TRIM44: variants seen among roughly 807,000 people sequenced by gnomAD.
TRIM44 encodes tripartite motif-containing protein 44.
Under a neutral mutation model 37.4 loss-of-function variants are expected in TRIM44, and 13 were observed. That is an observed-to-expected ratio of 0.35 (90% CI 0.23 to 0.55). TRIM44 has a LOEUF of 0.55. Ranked by LOEUF, TRIM44 falls within the 20% of genes least tolerant of loss-of-function variation. The probability of loss-of-function intolerance (pLI) is 0.89; values close to 1 mark genes in which losing one functional copy is unlikely to be tolerated. For synonymous variants in TRIM44, 175 were observed against 157.2 expected (o/e 1.11, Z -0.85); for missense variants, 426 against 437.2 (o/e 0.97, Z 0.23).
chr11:35,780,983 A>G (rs1853057159), intron 4 of TRIM44, among the ~76,000 whole-genome samples: 1 of 152,186 alleles, frequency 6.6e-6, no homozygotes, highest in Admixed American at 6.5e-5. Context: ...CTAGACAAAA[A>G]AACTAATAAA....
chr11:35,676,555 T>G (rs932123412), intron 1 of TRIM44, among the ~76,000 whole-genome samples: 1 of 152,226 alleles, frequency 6.6e-6, no homozygotes, highest in Non-Finnish European at 1.5e-5. Context: ...GTCTTGCTGG[T>G]TGTCCTCTTT....
intron 2 of TRIM44, among the ~76,000 whole-genome samples, chr11:35,705,845 T>G (rs562951877): frequency 6.8e-6 from 1 of 147,702 alleles, no homozygotes; most frequent in Non-Finnish European, 1.5e-5. Flanking sequence ...ACATCACAAT[T>G]AAAAGAACTA....
chr11:35,723,597 T>C (rs553076669), intron 2 of TRIM44, among the ~76,000 whole-genome samples: 1 of 152,348 alleles, frequency 6.6e-6, no homozygotes, highest in South Asian at 2.1e-4. Context: ...GAAAACCCTA[T>C]GTAATTAAAG....
At chr11:35,686,435 C>T (rs1433692879) in intron 2 of TRIM44, among the ~76,000 whole-genome samples, 1 of 150,958 alleles carries the variant, frequency 6.6e-6, no homozygotes, top group Non-Finnish European at 1.5e-5. Flanking sequence ...GAGAGTCAGG[C>T]ACTTTGCTAG....
intron 4 of TRIM44, among the ~76,000 whole-genome samples, chr11:35,750,276 C>T (rs764924883): frequency 1.3e-5 from 2 of 152,160 alleles, no homozygotes; most frequent in Non-Finnish European, 2.9e-5. Context: ...GTCTCTCCTC[C>T]ACATTTGAGG....
rs565994471 is a variant in TRIM44 at position 35,711,612 on chromosome 11, C to A, written c.748-14312C>A. ...TACTAAAAATTAAAAAAAAATTAGCCAGGCATAGAGGCACATGCCTATTGT... is the reference window on the plus strand; with the variant it reads ...TACTAAAAATTAAAAAAAAATTAGCAAGGCATAGAGGCACATGCCTATTGT... On this transcript the variant is annotated intron_variant, in intron 2 of 4. Coordinates refer to ENST00000299413, the MANE Select transcript of TRIM44 (RefSeq NM_017583.6). Among the ~76,000 whole-genome samples the A allele has an allele frequency of 1.8e-3, 279 of 151,984 alleles. 2 individuals carry two copies. The highest frequency in any genetic ancestry group is 6.5e-3 in the African/African-American group (268 of 41,462).
intron 4 of TRIM44, among the ~76,000 whole-genome samples, chr11:35,757,740 T>C (rs1001937412): frequency 3.9e-5 from 6 of 152,172 alleles, no homozygotes; most frequent in African/African-American, 1.2e-4. Context: ...TTCTTTCTGC[T>C]TTCATTTCGT....
At chr11:35,748,397 T>C (rs1378162041) in intron 4 of TRIM44, among the ~76,000 whole-genome samples, 1 of 152,204 alleles carries the variant, frequency 6.6e-6, no homozygotes, top group Non-Finnish European at 1.5e-5. Context: ...TCAGAGACTG[T>C]GTTAATGAAA....
At chr11:35,762,817 A>G (rs986705881) in intron 4 of TRIM44, among the ~76,000 whole-genome samples, 3 of 152,032 alleles carry the variant, frequency 2.0e-5, no homozygotes, top group African/African-American at 7.3e-5. Flanking sequence ...TTAACTATTT[A>G]AACTATTTAA....
chr11:35,740,509 T>C (rs1852383328), intron 4 of TRIM44, among the ~76,000 whole-genome samples: 1 of 152,168 alleles, frequency 6.6e-6, no homozygotes, highest in Non-Finnish European at 1.5e-5. Context: ...TTGGAACTTC[T>C]GTAGAATTTT....
In TRIM44 at chr11:35,771,612, C is replaced by G. The variant is rs560603374; in HGVS notation, c.1008-34746C>G. 2.6e-4 allele frequency among the ~76,000 whole-genome samples: 40 copies of G among 151,944 alleles called. 1 individual carries two copies. The highest frequency in any genetic ancestry group is 6.8e-3 in the Middle Eastern group (2 of 294). On this transcript the variant is annotated intron_variant, in intron 4 of 4. Coordinates refer to ENST00000299413, the MANE Select transcript of TRIM44 (RefSeq NM_017583.6). ...TGTTGTCAGATGCCTGTAATCTCAG[C>G]TACTTGGGAGGCTGAAGCAAGAGAA... is the stretch of plus-strand genomic sequence containing the variant.
At chr11:35,800,718 T>C (rs2942380) in intron 4 of TRIM44, among the ~76,000 whole-genome samples, 30,096 of 152,150 alleles carry the variant, frequency 0.2, 3,213 homozygotes, top group Admixed American at 0.32. Context: ...ATTGTGGTGA[T>C]GGGATAGAGA....
chr11:35,723,868 G>A (rs935927984), intron 2 of TRIM44, among the ~76,000 whole-genome samples: 6 of 152,132 alleles, frequency 3.9e-5, no homozygotes, highest in Non-Finnish European at 8.8e-5. Context: ...AGTCATTTGA[G>A]ACTCAATTTA....
chr11:35,725,066 TCACACACACACA>T (rs59413888), intron 2 of TRIM44, among the ~76,000 whole-genome samples: 37 of 141,154 alleles, frequency 2.6e-4, no homozygotes, highest in East Asian at 2.2e-3. Context: ...ATGCACACAC[TCACACACACACA>T]CACACACACA....
intron 2 of TRIM44, among the ~76,000 whole-genome samples, chr11:35,697,550 C>T (rs1416487547): frequency 2.6e-5 from 4 of 151,248 alleles, no homozygotes; most frequent in Non-Finnish European, 5.9e-5. Context: ...TGTGCTGCAC[C>T]CATTAACTGG....
chr11:35,696,136 ATTTTTT>A (rs1197445648), intron 2 of TRIM44, among the ~76,000 whole-genome samples: 1 of 138,296 alleles, frequency 7.2e-6, no homozygotes. Context: ...GATGAGTCAA[ATTTTTT>A]TTTTTTTTTT....
At chr11:35,725,500 G>C (rs906516426) in intron 2 of TRIM44, among the ~76,000 whole-genome samples, 4 of 151,790 alleles carry the variant, frequency 2.6e-5, no homozygotes, top group Non-Finnish European at 4.4e-5. Flanking sequence ...TGCCCAGCAA[G>C]TTTTTTTGTA....
chr11:35,748,273 A>G (rs1041980458), intron 4 of TRIM44, among the ~76,000 whole-genome samples: 2 of 152,176 alleles, frequency 1.3e-5, no homozygotes, highest in African/African-American at 4.8e-5. Context: ...GTGGGTGTCT[A>G]CTTCTTTGGG....
chr11:35,668,027 A>G, intron 1 of TRIM44, among the ~76,000 whole-genome samples: 1 of 151,942 alleles, frequency 6.6e-6, no homozygotes, highest in Non-Finnish European at 1.5e-5. Flanking sequence ...AATGGTCTGG[A>G]AGTATTTGTG....
Sources: allele counts gnomAD v4.1 joint callset (sites outside exome capture counted in the v4.1 genomes callset), GRCh38; gene constraint gnomAD v4.1.1; transcripts MANE v1.5; gene names NCBI Gene and HGNC (gene_info 2026-07-23, HGNC 2026-07-21).